PKIB: variants seen among roughly 807,000 people sequenced by gnomAD.
PKIB encodes PKI-beta.
A neutral mutation model predicts 4.5 loss-of-function variants in PKIB; 2 were observed. The ratio of observed to expected loss-of-function variants is 0.44; its 90% CI spans 0.18 to 1.39. PKIB has a LOEUF of 1.39. Ranked by LOEUF, PKIB falls within the 40% of genes most tolerant of loss-of-function variation. PKIB has a pLI of 0.27. For synonymous variants in PKIB, 38 were observed against 36.0 expected (o/e 1.06, Z -0.20); for missense variants, 94 against 92.6 (o/e 1.02, Z -0.06).
chr6:122,674,307 A>C (rs1777585926), intron 2 of PKIB, among the ~76,000 whole-genome samples: 1 of 152,208 alleles, frequency 6.6e-6, no homozygotes, highest in African/African-American at 2.4e-5. Flanking sequence ...GCAAGAATGC[A>C]TACAAGAAAA....
intron 2 of PKIB, among the ~76,000 whole-genome samples, chr6:122,525,870 A>G (rs925101134): frequency 3.3e-5 from 5 of 152,168 alleles, no homozygotes; most frequent in African/African-American, 1.2e-4. Flanking sequence ...CTTTCATAAA[A>G]TATTTCCCTG....
intron 2 of PKIB, among the ~76,000 whole-genome samples, chr6:122,514,117 A>T (rs1398930912): frequency 6.6e-6 from 1 of 152,246 alleles, no homozygotes; most frequent in African/African-American, 2.4e-5. Context: ...CAAATCCAGG[A>T]ATTCTAAAAG....
At chr6:122,720,989 ACTGCGC>A (rs1779718633) in intron 4 of PKIB, among the ~76,000 whole-genome samples, 1 of 152,226 alleles carries the variant, frequency 6.6e-6, no homozygotes, top group Non-Finnish European at 1.5e-5. Flanking sequence ...GGCATGAGCC[ACTGCGC>A]CTGGCCTTGA....
At chr6:122,642,214 C>G (rs1776147171) in intron 2 of PKIB, among the ~76,000 whole-genome samples, 1 of 152,202 alleles carries the variant, frequency 6.6e-6, no homozygotes, top group South Asian at 2.1e-4. Flanking sequence ...ATTATTCATT[C>G]TTTTCTTAAA....
chr6:122,512,457 G>A (rs1010090945), intron 2 of PKIB, among the ~76,000 whole-genome samples: 4 of 152,182 alleles, frequency 2.6e-5, no homozygotes, highest in East Asian at 1.9e-4. Flanking sequence ...TTTGTCTCTC[G>A]CAATACTTGG....
At chr6:122,672,888 C>G (rs1393719732) in intron 2 of PKIB, among the ~76,000 whole-genome samples, 1 of 151,854 alleles carries the variant, frequency 6.6e-6, no homozygotes, top group Non-Finnish European at 1.5e-5. Flanking sequence ...AATTACTGCA[C>G]TTTCATTAGT....
At chr6:122,688,340 T>C (rs1264859133) in intron 3 of PKIB, among the ~76,000 whole-genome samples, 3 of 152,036 alleles carry the variant, frequency 2.0e-5, no homozygotes, top group Non-Finnish European at 4.4e-5. Context: ...TAGTGAAGAG[T>C]TGAATTGGTT....
In PKIB at chr6:122,509,908, G is replaced by GT. The variant is rs111523779; in HGVS notation, c.-248+31981dup. 3.0e-3 allele frequency among the ~76,000 whole-genome samples: 440 copies of GT among 144,666 alleles called. 2 individuals are homozygous for GT. Among genetic ancestry groups the GT allele is most frequent in the Middle Eastern group, 7.0e-3 (2 of 286 alleles). The allele number at this position is 144,666 out of a possible 152,430, so 94.9% of individuals were successfully genotyped here. ...AATCCTACTGATCTGGGCTTGTTGA[G>GT]TTTTTTTTTTTTAATTACTTTTAAT... On this transcript the variant is annotated intron_variant, in intron 2 of 6. Transcript: ENST00000392491.
chr6:122,641,296 G>T (rs1388477577), intron 2 of PKIB, among the ~76,000 whole-genome samples: 1 of 151,870 alleles, frequency 6.6e-6, no homozygotes, highest in Non-Finnish European at 1.5e-5. Context: ...ATTTCACTTG[G>T]TAAATGAAAC....
intron 2 of PKIB, among the ~76,000 whole-genome samples, chr6:122,578,459 T>TA (rs1389363042): frequency 1.3e-5 from 2 of 152,340 alleles, no homozygotes; most frequent in South Asian, 2.1e-4. Flanking sequence ...CCTCTGGACT[T>TA]AATCTATTGT....
At chr6:122,512,325 C>T (rs902092239) in intron 2 of PKIB, among the ~76,000 whole-genome samples, 3 of 152,088 alleles carry the variant, frequency 2.0e-5, no homozygotes, top group African/African-American at 7.2e-5. Flanking sequence ...TTGCTCATTC[C>T]ATAAATGTTC....
chr6:122,502,531 G>C (rs62424309), intron 2 of PKIB, among the ~76,000 whole-genome samples: 13,731 of 151,702 alleles, frequency 0.091, 803 homozygotes, highest in South Asian at 0.14. Flanking sequence ...GAGAGTGAAG[G>C]GGGAAGTGCT....
chr6:122,572,610 A>G (rs1176829830), intron 2 of PKIB, among the ~76,000 whole-genome samples: 2 of 148,896 alleles, frequency 1.3e-5, no homozygotes, highest in East Asian at 2.0e-4. Context: ...TAGCAGAAGG[A>G]AAAAAAAAAC....
At chr6:122,696,597 G>C (rs1034133420) in intron 3 of PKIB, among the ~76,000 whole-genome samples, 1 of 152,198 alleles carries the variant, frequency 6.6e-6, no homozygotes, top group African/African-American at 2.4e-5. Context: ...CCACCTCACA[G>C]AGTTCTCAGC....
Position 122,532,724 on chromosome 6 carries a change from C to T in PKIB, c.-247-53197C>T, listed in dbSNP as rs76899943. 1.3e-3 allele frequency among the ~76,000 whole-genome samples: 201 copies of T among 152,218 alleles called. 1 individual carries two copies. Among genetic ancestry groups the T allele is most frequent in the African/African-American group, 4.7e-3 (194 of 41,508 alleles). Reference sequence around the variant, plus strand: ...TCCTTTTTCATGGCTGGATAATATCCCATTGTATTTACATACCATATTTTG... The same window carrying T: ...TCCTTTTTCATGGCTGGATAATATCTCATTGTATTTACATACCATATTTTG... On this transcript the variant is annotated intron_variant, in intron 2 of 6. Transcript: ENST00000392491.
chr6:122,476,042 G>A (rs1419435609), intron 1 of PKIB, among the ~76,000 whole-genome samples: 1 of 152,002 alleles, frequency 6.6e-6, no homozygotes, highest in Non-Finnish European at 1.5e-5. Context: ...AAAATAATCA[G>A]GTCATATTTT....
intron 2 of PKIB, among the ~76,000 whole-genome samples, chr6:122,556,762 T>C (rs908632501): frequency 6.6e-6 from 1 of 152,206 alleles, no homozygotes; most frequent in Admixed American, 6.5e-5. Flanking sequence ...AGCTTCAGGC[T>C]TGCTACTGGA....
At chr6:122,520,000 G>C (rs1039097591) in intron 2 of PKIB, among the ~76,000 whole-genome samples, 3 of 152,026 alleles carry the variant, frequency 2.0e-5, no homozygotes, top group African/African-American at 7.2e-5. Context: ...ATTCCCTCTA[G>C]GGTGCCATTC....
At chr6:122,545,245 C>T (rs1772456363) in intron 2 of PKIB, among the ~76,000 whole-genome samples, 1 of 151,936 alleles carries the variant, frequency 6.6e-6, no homozygotes, top group South Asian at 2.1e-4. Context: ...CCTAGATGCC[C>T]ATCAGTCGTG....
Sources: allele counts gnomAD v4.1 joint callset (sites outside exome capture counted in the v4.1 genomes callset), GRCh38; gene constraint gnomAD v4.1.1; transcripts MANE v1.5; gene names NCBI Gene and HGNC (gene_info 2026-07-23, HGNC 2026-07-21).